GNL3L: variants seen among roughly 807,000 people sequenced by gnomAD.
The protein encoded by GNL3L is G protein nucleolar 3 like, also known as guanine nucleotide-binding protein-like 3-like protein.
GNL3L carries 4 observed loss-of-function variants against 42.9 expected under a neutral mutation model. That is an observed-to-expected ratio of 0.09 (90% CI 0.05 to 0.21). The LOEUF (loss-of-function observed/expected upper bound fraction) is 0.21. GNL3L is among the 10% of genes least tolerant of loss of function. The pLI is 1.00. For missense variants in GNL3L, 412 were observed against 481.7 expected (o/e 0.86, Z 1.36); for synonymous variants, 159 against 176.3 (o/e 0.90, Z 0.78).
chrX:54,607,010 T>TC lies in GNL3L; in HGVS notation c.*46-13835_*46-13834insC, dbSNP rs1926076133. Among the ~76,000 whole-genome samples, 17 of 31,082 alleles carry TC rather than the reference T, an allele frequency of 5.5e-4. 1 individual carries two copies. The African/African-American group carries it at 6.6e-3, about 12-fold the overall frequency. The allele number at this position is 31,082 out of a possible 115,157, so 27.0% of individuals were successfully genotyped here. Reference sequence around the variant, plus strand: ...CCTTTCCTTTCCTTTCTTTCTTTCTTTCTTTCTTTCTTTCTTTCTTTCTTT... The same window carrying TC: ...CCTTTCCTTTCCTTTCTTTCTTTCTTCTCTTTCTTTCTTTCTTTCTTTCTTT... On this transcript the variant is annotated intron_variant, in intron 16 of 16. Transcript: ENST00000674498.
chrX:54,558,467 C>T lies in GNL3L; in HGVS notation c.1478C>T (p.Pro493Leu), dbSNP rs368938978. The stretch of plus-strand genomic sequence containing the variant: ...GATCTCACTGGGTATTGCACCAATC[C>T]GAACCGTCATCAGATGGGGTGGGCT... ...IGDLTGYCTN[P>L]NRHQMGWAKR... The change falls in exon 15 of 16, where the codon CCG becomes CTG. Residue 493 changes from proline to leucine, a missense_variant. Physicochemically the swap from Pro to Leu is moderately conservative, Grantham distance 98. Coordinates refer to ENST00000360845, the MANE Select transcript of GNL3L (RefSeq NM_001184819.2). 1.3e-5 allele frequency: 16 copies of T among 1,204,235 alleles called. No individual in the cohort carries two copies. Among genetic ancestry groups the T allele is most frequent in the African/African-American group, 1.1e-4 (6 of 56,785 alleles).
intron 1 of GNL3L, among the ~76,000 whole-genome samples, 159 bp downstream of exon 1, chrX:54,530,578 C>G (rs747878006): frequency 6.7e-4 from 75 of 111,798 alleles, no homozygotes; most frequent in Non-Finnish European, 9.2e-4. Flanking sequence ...CCGGGACACA[C>G]TGTGTAGAGA....
intron 1 of GNL3L, among the ~76,000 whole-genome samples, chrX:54,531,671 A>G (rs1034318693): frequency 9.0e-6 from 1 of 111,511 alleles, no homozygotes; most frequent in Admixed American, 9.6e-5. Flanking sequence ...AGACCCGCTT[A>G]TTCAAAGCTG....
chrX:54,575,650 C>T (rs919010567), intron 16 of GNL3L, among the ~76,000 whole-genome samples: 19 of 112,164 alleles, frequency 1.7e-4, no homozygotes, highest in African/African-American at 5.8e-4. Context: ...AGGAGAATGG[C>T]GTGAACCCGG....
chrX:54,591,829 A>AT lies in GNL3L; in HGVS notation c.*46-29007dup, dbSNP rs902537815. The stretch of plus-strand genomic sequence containing the variant: ...TCTGTGGTTCCATATAAATTTAAGG[A>AT]TTTTTTTTTCTATTTCTGTGAAGAA... On this transcript the variant is annotated intron_variant, in intron 16 of 16. Transcript: ENST00000674498. 9.1e-5 allele frequency among the ~76,000 whole-genome samples: 10 copies of AT among 109,606 alleles called. No homozygotes were observed. The South Asian group carries it at 1.2e-3, about 13-fold the overall frequency.
At chrX:54,533,608 TA>T (rs1460895365) in intron 2 of GNL3L, among the ~76,000 whole-genome samples, 2 of 110,922 alleles carry the variant, frequency 1.8e-5, no homozygotes, top group African/African-American at 3.3e-5. Context: ...TTTTATTTTT[TA>T]TGTTTTTTTG....
At chrX:54,587,786 T>G (rs771935478) in intron 16 of GNL3L, among the ~76,000 whole-genome samples, 3 of 110,243 alleles carry the variant, frequency 2.7e-5, no homozygotes, top group African/African-American at 6.6e-5. Flanking sequence ...GTTCAAGCGA[T>G]TCTCCTGCCT....
intron 16 of GNL3L, among the ~76,000 whole-genome samples, chrX:54,591,166 T>G (rs767189230): frequency 9.0e-6 from 1 of 111,532 alleles, no homozygotes; most frequent in African/African-American, 3.3e-5. Flanking sequence ...GCATTTTGAT[T>G]TGTTTTTTGT....
the GNL3L span, among the ~76,000 whole-genome samples, chrX:54,631,730 T>C: frequency 8.9e-6 from 1 of 111,888 alleles, no homozygotes; most frequent in East Asian, 2.8e-4. Flanking sequence ...TGCCATTCTG[T>C]ATCTTTTAAG....
intron 16 of GNL3L, among the ~76,000 whole-genome samples, chrX:54,590,444 T>G (rs1569542470): frequency 8.9e-6 from 1 of 112,045 alleles, no homozygotes; most frequent in Non-Finnish European, 1.9e-5. Context: ...TTATATGATT[T>G]TTCTTGTTTA....
intron 16 of GNL3L, among the ~76,000 whole-genome samples, chrX:54,598,278 C>T (rs1396307708): frequency 9.0e-6 from 1 of 111,329 alleles, no homozygotes; most frequent in African/African-American, 3.3e-5. Context: ...CAGATTTTCT[C>T]TGAGGAGGAG....
intron 16 of GNL3L, among the ~76,000 whole-genome samples, chrX:54,582,149 G>C (rs1224970055): frequency 2.7e-5 from 3 of 111,388 alleles, no homozygotes; most frequent in African/African-American, 9.8e-5. Flanking sequence ...CCTTTTGGGG[G>C]CTGCTGAATG....
At chrX:54,559,088 A>C (rs986768904) in intron 15 of GNL3L, among the ~76,000 whole-genome samples, 1 of 112,017 alleles carries the variant, frequency 8.9e-6, no homozygotes, top group African/African-American at 3.2e-5. Flanking sequence ...AGCTCGCATC[A>C]GGATTCCCTG....
intron 16 of GNL3L, among the ~76,000 whole-genome samples, chrX:54,572,687 C>T (rs934168915): frequency 5.5e-5 from 6 of 108,207 alleles, no homozygotes; most frequent in Admixed American, 9.8e-5. Context: ...GGGGGGCTGA[C>T]CCCCCCCACC....
intron 16 of GNL3L, among the ~76,000 whole-genome samples, chrX:54,592,117 A>T (rs1925878872): frequency 9.0e-6 from 1 of 111,440 alleles, no homozygotes; most frequent in Non-Finnish European, 1.9e-5. Context: ...CACATTGTTC[A>T]CTGTTGTCAT....
intron 16 of GNL3L, among the ~76,000 whole-genome samples, chrX:54,585,735 T>C (rs1043832638): frequency 1.8e-5 from 2 of 112,034 alleles, no homozygotes; most frequent in African/African-American, 6.5e-5. Context: ...CTAACATTTG[T>C]TCCATTTTTA....
In GNL3L at chrX:54,550,946, C is replaced by T. The variant is rs755606146; in HGVS notation, c.776-17C>T. 1.1e-6 allele frequency: 1 copy of T among 933,893 alleles called. No individual in the cohort carries two copies. Among genetic ancestry groups the T allele is most frequent in the South Asian group, 2.0e-5 (1 of 51,028 alleles). The allele number at this position is 933,893 out of a possible 1,213,427, so 77.0% of individuals were successfully genotyped here. A position where few individuals can be genotyped will look rare whatever the true frequency, so the allele number is the denominator to read the frequency against. ...GAGGGCCTCTTCTGCCCTGAGCCAT[C>T]TGCTGCTATTTTGTAGGTCTTCCCA... On this transcript the variant is annotated splice_polypyrimidine_tract_variant and intron_variant, in intron 9 of 15. Coordinates refer to ENST00000360845, the MANE Select transcript of GNL3L (RefSeq NM_001184819.2).
rs367918362 is a variant in GNL3L, at chrX:54,573,352, C to T, written c.*45+12705C>T. ...CGCGGTTAGGAGCTGGAGACCAGCC[C>T]GGCCAACACAGCGAAACCCCATCTC... On this transcript the variant is annotated intron_variant, in intron 16 of 16. Transcript: ENST00000674498. 8.9e-5 allele frequency among the ~76,000 whole-genome samples: 10 copies of T among 112,691 alleles called. No homozygotes were observed. The South Asian group carries it at 2.9e-3, about 33-fold the overall frequency.
rs764473261 is a variant in GNL3L at position 54,552,131 on chromosome X, G to C, written c.1181+157G>C. Among the ~76,000 whole-genome samples, 14 of 112,422 alleles carry C rather than the reference G, an allele frequency of 1.2e-4. No homozygotes were observed. In the South Asian group the frequency reaches 4.8e-3, roughly 38 times the overall value. On this transcript the variant is annotated intron_variant, in intron 12 of 15. Transcript: ENST00000360845. Reference sequence around the variant, plus strand: ...GGTCATGTCCTGCTCGAGACTTTATGCCCAGTGATTATCCAGCAACTCAAC... The same window carrying C: ...GGTCATGTCCTGCTCGAGACTTTATCCCCAGTGATTATCCAGCAACTCAAC...
Sources: allele counts gnomAD v4.1 joint callset (sites outside exome capture counted in the v4.1 genomes callset), GRCh38; gene constraint gnomAD v4.1.1; transcripts MANE v1.5; gene names NCBI Gene and HGNC (gene_info 2026-07-23, HGNC 2026-07-21).